The following PPP3CC variants were observed in gnomAD, a reference collection of about 807,000 sequenced individuals.
PPP3CC encodes serine/threonine-protein phosphatase 2B catalytic subunit gamma isoform.
A neutral mutation model predicts 60.3 loss-of-function variants in PPP3CC; 35 were observed. The ratio of observed to expected loss-of-function variants is 0.58; its 90% confidence interval spans 0.44 to 0.77. PPP3CC has a LOEUF of 0.77. Ranked by LOEUF, PPP3CC falls within the 30% of genes least tolerant of loss-of-function variation. The pLI is 0.00. For missense variants in PPP3CC, 570 were observed against 628.9 expected (o/e 0.91, Z 1.00); for synonymous variants, 206 against 224.3 (o/e 0.92, Z 0.73).
chr8:22,478,033 G>A (rs1192729519), intron 3 of PPP3CC, among the ~76,000 whole-genome samples: 1 of 152,082 alleles, frequency 6.6e-6, no homozygotes, highest in African/African-American at 2.4e-5. Context: ...TGTATTTTTA[G>A]TAGAGACGGG....
intron 4 of PPP3CC, among the ~76,000 whole-genome samples, chr8:22,510,646 AC>A (rs1207188711): frequency 6.6e-6 from 1 of 152,136 alleles, no homozygotes; most frequent in Non-Finnish European, 1.5e-5. Context: ...CCATCTTCTC[AC>A]CAGCTCAGGT....
intron 1 of PPP3CC, among the ~76,000 whole-genome samples, chr8:22,452,478 C>T (rs990772312): frequency 3.9e-5 from 6 of 152,008 alleles, no homozygotes; most frequent in African/African-American, 1.4e-4. Context: ...GTCAGACATA[C>T]CTGGATTCAA....
At chr8:22,516,847 A>G (rs916567095) in intron 6 of PPP3CC, among the ~76,000 whole-genome samples, 4 of 152,114 alleles carry the variant, frequency 2.6e-5, no homozygotes, top group African/African-American at 9.7e-5. Context: ...TATGTCTTAC[A>G]GAGAAAATAT....
At chr8:22,476,618 A>G (rs1403485599) in intron 3 of PPP3CC, among the ~76,000 whole-genome samples, 1 of 152,194 alleles carries the variant, frequency 6.6e-6, no homozygotes, top group African/African-American at 2.4e-5. Flanking sequence ...TAGATAGGCA[A>G]TCTAAATTCA....
At chr8:22,476,341 G>C (rs921088310) in intron 3 of PPP3CC, among the ~76,000 whole-genome samples, 1 of 152,140 alleles carries the variant, frequency 6.6e-6, no homozygotes, top group African/African-American at 2.4e-5. Flanking sequence ...AAATAGCGTG[G>C]GTAATAGGAT....
intron 3 of PPP3CC, among the ~76,000 whole-genome samples, chr8:22,479,896 A>G (rs920023664): frequency 6.6e-6 from 1 of 152,190 alleles, no homozygotes; most frequent in African/African-American, 2.4e-5. Flanking sequence ...GTTCATTGAC[A>G]CTAGTAAGGT....
intron 3 of PPP3CC, among the ~76,000 whole-genome samples, chr8:22,481,266 C>G (rs1838057134): frequency 6.6e-6 from 1 of 151,772 alleles, no homozygotes; most frequent in Admixed American, 6.6e-5. Context: ...ACCTGGGAGG[C>G]AGAGGTTGCA....
intron 6 of PPP3CC, among the ~76,000 whole-genome samples, chr8:22,517,530 A>G (rs2449328): frequency 0.45 from 68,757 of 151,526 alleles, 15,555 homozygotes; most frequent in East Asian, 0.55. Flanking sequence ...TACTGATTCC[A>G]TCTCCATATT....
At chr8:22,510,678 G>T (rs1158956794) in intron 4 of PPP3CC, among the ~76,000 whole-genome samples, 1 of 152,190 alleles carries the variant, frequency 6.6e-6, no homozygotes, top group Non-Finnish European at 1.5e-5. Context: ...ATCCACAGTG[G>T]GAAGATTAGG....
In PPP3CC at chr8:22,441,409, C is replaced by T. The variant is rs1278649894; in HGVS notation, c.-1C>T. On this transcript the variant is annotated 5_prime_UTR_variant, in exon 1 of 14. Coordinates refer to ENST00000240139, the MANE Select transcript of PPP3CC (RefSeq NM_005605.5). ...GGAGCCTGGAGGAGGCCGAGGGGAC[C>T]ATGTCCGGGAGGCGCTTCCACCTCT... The T allele has an allele frequency of 4.5e-6, 7 of 1,542,882 alleles. No homozygotes were observed. The highest frequency in any genetic ancestry group is 2.4e-5 in the South Asian group (2 of 82,654).
At chr8:22,507,686 A>G (rs746952010) in intron 4 of PPP3CC, among the ~76,000 whole-genome samples, 6 of 152,244 alleles carry the variant, frequency 3.9e-5, no homozygotes, top group Non-Finnish European at 7.3e-5. Flanking sequence ...ATTATTCTGC[A>G]TATTTTACAT....
intron 3 of PPP3CC, among the ~76,000 whole-genome samples, chr8:22,488,427 G>A (rs867072442): frequency 6.6e-6 from 1 of 152,048 alleles, no homozygotes; most frequent in African/African-American, 2.4e-5. Flanking sequence ...TCATAATTAC[G>A]TACAATGATG....
Position 22,511,209 on chromosome 8 carries a change from C to G in PPP3CC, c.608C>G (p.Thr203Ser), listed in dbSNP as rs1839076592. 3 of 1,613,208 alleles carry G rather than the reference C, an allele frequency of 1.9e-6. No individual in the cohort carries two copies. Among genetic ancestry groups the G allele is most frequent in the East Asian group, 2.2e-5 (1 of 44,874 alleles). ...CVHGGMSPEI[T>S]SLDDIRKLDR... The stretch of plus-strand genomic sequence containing the variant: ...CATGGAGGAATGTCACCTGAAATTA[C>G]TTCTTTAGATGACATTAGGAAAGTA... Residue 203 changes from threonine to serine, a missense_variant, in exon 5 of 14, where the codon ACT (threonine) becomes AGT (serine). Transcript: ENST00000240139.
At chr8:22,531,228 C>A in intron 10 of PPP3CC, 1 of 1,380,340 alleles carries the variant, frequency 7.2e-7, no homozygotes, top group Non-Finnish European at 9.9e-7. Flanking sequence ...TTCTCTTTTC[C>A]ATGTAAACAT....
At chr8:22,455,005 G>T (rs1362656798) in intron 1 of PPP3CC, among the ~76,000 whole-genome samples, 1 of 145,800 alleles carries the variant, frequency 6.9e-6, no homozygotes, top group Non-Finnish European at 1.5e-5. Flanking sequence ...GCAGTGAGCC[G>T]AGATTGCGCC....
intron 1 of PPP3CC, among the ~76,000 whole-genome samples, chr8:22,463,755 A>G (rs1837431590): frequency 6.7e-6 from 1 of 150,258 alleles, no homozygotes; most frequent in South Asian, 2.1e-4. Context: ...TTAGATAGCT[A>G]TTGTGGCAGT....
rs564232509 is a variant in PPP3CC, at chr8:22,500,208, G to T, written c.484+2096G>T. On this transcript the variant is annotated intron_variant, in intron 4 of 13. Coordinates refer to ENST00000240139, the MANE Select transcript of PPP3CC (RefSeq NM_005605.5). ...CAAAAAAATTTTTTATTTTTGTGAT[G>T]AAAGTACTGAAATAAAAGCAAAATT... 2.0e-5 allele frequency among the ~76,000 whole-genome samples: 3 copies of T among 152,240 alleles called. No individual in the cohort carries two copies. The South Asian group carries it at 6.2e-4, about 32-fold the overall frequency.
chr8:22,470,343 G>A (rs766614881), intron 1 of PPP3CC, among the ~76,000 whole-genome samples: 3 of 151,894 alleles, frequency 2.0e-5, no homozygotes, highest in Non-Finnish European at 2.9e-5. Context: ...ATAAGAAAAT[G>A]TTTAAATAAA....
intron 3 of PPP3CC, among the ~76,000 whole-genome samples, chr8:22,481,344 TAAATAA>T (rs1411311636): frequency 1.2e-5 from 1 of 80,034 alleles, no homozygotes; most frequent in Non-Finnish European, 2.7e-5. Context: ...TCAAGAAAAA[TAAATAA>T]TAATAATAAT....
Sources: gnomAD v4.1 joint callset for allele counts (sites outside exome capture counted in the v4.1 genomes callset) on GRCh38, gnomAD v4.1.1 for gene constraint, MANE v1.5 for transcripts, NCBI Gene and HGNC (gene_info 2026-07-23, HGNC 2026-07-21) for gene names.